Variants in WFS1 observed in about 807,000 individuals in gnomAD.
The protein encoded by WFS1 is wolframin.
In WFS1, 90 loss-of-function variants were observed where a neutral mutation model predicts 68.5. That is an observed-to-expected ratio of 1.31 (90% confidence interval 1.11 to 1.56). The LOEUF is 1.56. Among genes scored for constraint, WFS1 ranks in the 40% most tolerant of loss-of-function variants. The pLI is 0.00. For synonymous variants in WFS1, 860 were observed against 540.7 expected, an observed-to-expected ratio of 1.59 and a Z score of -8.19; for missense variants, 1,767 against 1,232.6, an observed-to-expected ratio of 1.43 and a Z score of -6.49.
chr4:6,292,610 C>T (rs999421104), intron 6 of WFS1, among the ~76,000 whole-genome samples: 7 of 152,126 alleles, frequency 4.6e-5, no homozygotes, highest in Admixed American at 6.5e-5. Flanking sequence ...TCACTGTCTT[C>T]CATCCACGTG....
intron 2 of WFS1, among the ~76,000 whole-genome samples, chr4:6,285,249 G>A (rs183292825): frequency 6.7e-6 from 1 of 149,912 alleles, no homozygotes; most frequent in Admixed American, 6.6e-5. Flanking sequence ...ATTCAGGGAG[G>A]AGTCTTCCAG....
rs727504666 is a variant in WFS1, at chr4:6,291,939, C to T, written c.654C>T (p.Pro218=). Residue 218 remains proline (P), a synonymous_variant, in exon 6 of 8, where the codon CCC becomes CCT. Coordinates refer to ENST00000226760, the MANE Select transcript of WFS1 (RefSeq NM_006005.3). ...NEHDGGAQPG[P]VPKSLQKQRR... is the part of the protein sequence containing the mutation. Reference sequence around the variant, plus strand: ...CAGATGGAGGGGCGCAGCCAGGCCCCGTGCCCAAGTCCCTGCAGAAGCAGA... The same window carrying T: ...CAGATGGAGGGGCGCAGCCAGGCCCTGTGCCCAAGTCCCTGCAGAAGCAGA... The T allele has an allele frequency of 3.2e-5, 51 of 1,611,090 alleles. 1 individual carries two copies. The highest frequency in any genetic ancestry group is 3.0e-4 in the South Asian group (27 of 90,240).
In WFS1 at chr4:6,302,681, G is replaced by A; in HGVS notation, c.*213G>A. The A allele has an allele frequency of 1.5e-6, 1 of 688,820 alleles. No homozygotes were observed. Among genetic ancestry groups the A allele is most frequent in the Middle Eastern group, 4.1e-4 (1 of 2,412 alleles). The allele number at this position is 688,820 out of a possible 1,614,324, so 42.7% of individuals were successfully genotyped here. On this transcript the variant is annotated 3_prime_UTR_variant, in exon 8 of 8. Coordinates refer to ENST00000226760, the MANE Select transcript of WFS1 (RefSeq NM_006005.3). ...CCACTCTGAATACCAAGTGTGTTGGGAATTGCATGCCATCTCCACCCTGAG... is the reference window on the plus strand; with the variant it reads ...CCACTCTGAATACCAAGTGTGTTGGAAATTGCATGCCATCTCCACCCTGAG...
chr4:6,278,145 C>T (rs1002278741), intron 2 of WFS1, among the ~76,000 whole-genome samples: 5 of 152,220 alleles, frequency 3.3e-5, no homozygotes, highest in Non-Finnish European at 7.3e-5. Flanking sequence ...TCCTTCACCT[C>T]CATCCTGAGG....
chr4:6,290,687 G>T (rs929631225), intron 4 of WFS1, among the ~76,000 whole-genome samples: 1 of 152,174 alleles, frequency 6.6e-6, no homozygotes, highest in African/African-American at 2.4e-5. Context: ...CTGCTGACCA[G>T]CGGTAAAACC....
chr4:6,280,044 G>A (rs976932834), intron 2 of WFS1, among the ~76,000 whole-genome samples: 5 of 150,958 alleles, frequency 3.3e-5, no homozygotes, highest in African/African-American at 1.2e-4. Context: ...GTCGGGGCTT[G>A]GAAGCTCAGG....
At chr4:6,291,431 C>G in intron 5 of WFS1, 64 bp downstream of exon 5, 1 of 1,587,720 alleles carries the variant, frequency 6.3e-7, no homozygotes, top group South Asian at 1.1e-5. Context: ...GGAGCCAGGA[C>G]CTTCCCATAG....
chr4:6,297,898 T>C (rs1219425310), intron 7 of WFS1, among the ~76,000 whole-genome samples: 3 of 152,194 alleles, frequency 2.0e-5, no homozygotes, highest in Non-Finnish European at 4.4e-5. Context: ...GATCGTTCCC[T>C]GGTCATCGAG....
chr4:6,273,290 T>C (rs1014578428), intron 1 of WFS1, among the ~76,000 whole-genome samples: 7 of 152,204 alleles, frequency 4.6e-5, no homozygotes, highest in Non-Finnish European at 1.0e-4. Flanking sequence ...CCGGTGTTTG[T>C]GTTTGGACGG....
chr4:6,301,475 C>A lies in WFS1; in HGVS notation c.1680C>A (p.Ser560=), dbSNP rs760906868. 1.9e-6 allele frequency: 3 copies of A among 1,613,016 alleles called. No homozygotes were observed. Among genetic ancestry groups the A allele is most frequent in the Non-Finnish European group, 2.5e-6 (3 of 1,180,040 alleles). Residue 560 remains serine, a synonymous_variant, in exon 8 of 8, where the codon TCC becomes TCA. Coordinates refer to ENST00000226760, the MANE Select transcript of WFS1 (RefSeq NM_006005.3). ...ESTGLGLLRA[S]IGYFLFLFAL... Reference sequence around the variant, plus strand: ...CCGGCCTGGGGCTGCTCCGCGCCTCCATCGGCTACTTCCTCTTCCTCTTTG... The same window carrying A: ...CCGGCCTGGGGCTGCTCCGCGCCTCAATCGGCTACTTCCTCTTCCTCTTTG...
In WFS1 at chr4:6,286,049, AAG is replaced by A. The variant is rs1367700826; in HGVS notation, c.233-1041_233-1040del. Among the ~76,000 whole-genome samples the A allele has an allele frequency of 5.3e-5, 8 of 152,172 alleles. 1 individual carries two copies. Among genetic ancestry groups the A allele is most frequent in the Non-Finnish European group, 1.0e-4 (7 of 68,002 alleles). ...GGTTCATGGCACCACCGTAGAAAAC[AAG>A]AGGTTATTGGAAGCAACCTACAGAC... On this transcript the variant is annotated intron_variant, in intron 2 of 7. Transcript: ENST00000226760.
chr4:6,302,288 C>G lies in WFS1; in HGVS notation c.2493C>G (p.Gly831=), dbSNP rs922298438. The G allele has an allele frequency of 6.2e-7, 1 of 1,605,182 alleles. No homozygotes were observed. The highest frequency in any genetic ancestry group is 1.7e-5 in the Admixed American group (1 of 59,898). The change falls in exon 8 of 8, where the codon GGC becomes GGG. Residue 831 remains glycine, a synonymous_variant. Coordinates refer to ENST00000226760, the MANE Select transcript of WFS1 (RefSeq NM_006005.3). ...TCGAGTTCAGCACCATCCTGGAGGG[C>G]CGCCTGGGCAGCAAGTGGCCTGTCT... The part of the protein sequence containing the change: ...SLIEFSTILE[G]RLGSKWPVFE...
intron 2 of WFS1, among the ~76,000 whole-genome samples, chr4:6,282,216 A>G (rs1176097254): frequency 6.6e-6 from 1 of 152,226 alleles, no homozygotes; most frequent in Non-Finnish European, 1.5e-5. Context: ...CAGCCTGTCC[A>G]TTCACGAGAA....
rs376221248 is a variant in WFS1, at chr4:6,302,495, G to A, written c.*27G>A. On this transcript the variant is annotated 3_prime_UTR_variant, in exon 8 of 8. Transcript: ENST00000226760. ...GATGGTCCGCCACGAGGAGCTTCCA[G>A]TGCATGTTGCCATGAGGCCTTTCCC... 8.7e-6 allele frequency: 14 copies of A among 1,611,242 alleles called. No individual in the cohort carries two copies. In the African/African-American group the frequency reaches 1.7e-4, roughly 20 times the overall value.
chr4:6,295,713 C>T (rs1730620638), intron 7 of WFS1, among the ~76,000 whole-genome samples: 1 of 152,200 alleles, frequency 6.6e-6, no homozygotes, highest in Non-Finnish European at 1.5e-5. Context: ...GTGCAGGGTG[C>T]CATTGGGCAC....
chr4:6,277,587 CG>C lies in WFS1; in HGVS notation c.134del (p.Gly45AspfsTer98). 1.3e-6 allele frequency: 2 copies of C among 1,581,396 alleles called. No homozygotes were observed. Among genetic ancestry groups the C allele is most frequent in the Non-Finnish European group, 1.7e-6 (2 of 1,164,028 alleles). ...QERSERPRAPGPQAGPGPGVR... is the reference protein window; with the variant it reads ...QERSERPRAPXPQAGPGPGVR... ...AGAGGAGCGAAAGGCCCCGAGCACC[CG>C]GACCCCAGGCTGGCCCTGGCCCTGG... On this transcript the variant is annotated frameshift_variant, in exon 2 of 8. Transcript: ENST00000226760. LOFTEE classifies it high-confidence loss of function.
chr4:6,302,044 C>A lies in WFS1; in HGVS notation c.2249C>A (p.Ala750Asp), dbSNP rs1364719469. The A allele has an allele frequency of 6.2e-7, 1 of 1,612,754 alleles. No homozygotes were observed. Among genetic ancestry groups the A allele is most frequent in the Non-Finnish European group, 8.5e-7 (1 of 1,179,986 alleles). The change falls in exon 8 of 8, where the codon GCC becomes GAC. Residue 750 changes from alanine (A) to aspartate (D), a missense_variant. By Grantham distance (126) the Ala-to-Asp change is moderately radical. Coordinates refer to ENST00000226760, the MANE Select transcript of WFS1 (RefSeq NM_006005.3). ...TGCAGCCCTGGCAACACCTCCACGGCCGAGGAGGAGCTCTGTCGCCTTAAG... is the reference window on the plus strand; with the variant it reads ...TGCAGCCCTGGCAACACCTCCACGGACGAGGAGGAGCTCTGTCGCCTTAAG... ...PACSPGNTST[A>D]EEELCRLKLL...
At chr4:6,298,837 G>A (rs1730730397) in intron 7 of WFS1, among the ~76,000 whole-genome samples, 1 of 152,198 alleles carries the variant, frequency 6.6e-6, no homozygotes, top group East Asian at 1.9e-4. Context: ...ATCCCTCCTT[G>A]GCCTTCTGGT....
chr4:6,302,693 A>T lies in WFS1; in HGVS notation c.*225A>T. On this transcript the variant is annotated 3_prime_UTR_variant, in exon 8 of 8. Transcript: ENST00000226760. ...CCAAGTGTGTTGGGAATTGCATGCC[A>T]TCTCCACCCTGAGCCTGACCTTTCT... The T allele has an allele frequency of 1.5e-6, 1 of 655,780 alleles. No individual in the cohort carries two copies. Among genetic ancestry groups the T allele is most frequent in the South Asian group, 1.9e-5 (1 of 51,448 alleles). The allele number at this position is 655,780 out of a possible 1,614,324, so 40.6% of individuals were successfully genotyped here. A position where few individuals can be genotyped will look rare whatever the true frequency, so the allele number is the denominator to read the frequency against.
Sources: gnomAD v4.1 joint callset for allele counts (sites outside exome capture counted in the v4.1 genomes callset) on GRCh38, gnomAD v4.1.1 for gene constraint, MANE v1.5 for transcripts, NCBI Gene and HGNC (gene_info 2026-07-23, HGNC 2026-07-21) for gene names.